Variants in ZNF407 observed in about 807,000 individuals in gnomAD.
ZNF407 encodes the protein zinc finger protein 407.
Under a neutral mutation model 131.2 loss-of-function variants are expected in ZNF407, and 17 were observed. The observed-to-expected ratio is 0.13, with a 90% CI of 0.09 to 0.19. ZNF407 has a LOEUF of 0.19. ZNF407 is among the 10% of genes least tolerant of loss of function. ZNF407 has a pLI of 1.00. For missense variants in ZNF407, 2,681 were observed against 2,830.6 expected (o/e 0.95, Z 1.20); for synonymous variants, 1,156 against 1,062.0 (o/e 1.09, Z -1.72).
chr18:74,729,233 A>G (rs775785620), intron 3 of ZNF407, among the ~76,000 whole-genome samples: 7 of 152,178 alleles, frequency 4.6e-5, no homozygotes, highest in Non-Finnish European at 1.0e-4. Context: ...CAATATACTT[A>G]TTACTGGTTA....
chr18:74,999,362 A>AAAAAAC (rs1397004374), intron 8 of ZNF407, among the ~76,000 whole-genome samples: 18 of 150,032 alleles, frequency 1.2e-4, no homozygotes, highest in African/African-American at 4.4e-4. Context: ...AAAAAAAAAA[A>AAAAAAC]AAAAAAAAAA....
intron 3 of ZNF407, among the ~76,000 whole-genome samples, chr18:74,770,822 T>A (rs1396011034): frequency 2.0e-5 from 3 of 152,140 alleles, no homozygotes; most frequent in African/African-American, 7.2e-5. Flanking sequence ...CATTTTATAA[T>A]ATCTAAAAGG....
At chr18:74,639,237 T>C (rs1984600162) in intron 2 of ZNF407, among the ~76,000 whole-genome samples, 1 of 152,208 alleles carries the variant, frequency 6.6e-6, no homozygotes, top group Non-Finnish European at 1.5e-5. Flanking sequence ...TGGCAGGTGC[T>C]GTGTGAGCAA....
chr18:74,999,362 A>C (rs895235414), intron 8 of ZNF407, among the ~76,000 whole-genome samples: 140 of 150,034 alleles, frequency 9.3e-4, no homozygotes, highest in South Asian at 1.5e-3. Flanking sequence ...AAAAAAAAAA[A>C]AAAAAAAAAA....
intron 4 of ZNF407, among the ~76,000 whole-genome samples, chr18:74,800,233 T>C (rs1255203441): frequency 6.6e-6 from 1 of 152,064 alleles, no homozygotes; most frequent in Admixed American, 6.6e-5. Flanking sequence ...CTGAATTTGG[T>C]CTGCTTTTTG....
At chr18:74,704,529 A>G (rs892588278) in intron 3 of ZNF407, among the ~76,000 whole-genome samples, 1 of 152,168 alleles carries the variant, frequency 6.6e-6, no homozygotes, top group Admixed American at 6.5e-5. Flanking sequence ...TTTCTTTTTA[A>G]TACATCACCT....
At chr18:74,649,700 C>T (rs535292337) in intron 3 of ZNF407, among the ~76,000 whole-genome samples, 1 of 152,258 alleles carries the variant, frequency 6.6e-6, no homozygotes, top group Non-Finnish European at 1.5e-5. Context: ...TTGTGACTCT[C>T]GGGTCAGGGC....
intron 3 of ZNF407, among the ~76,000 whole-genome samples, chr18:74,766,455 A>C (rs1969235364): frequency 6.6e-6 from 1 of 152,084 alleles, no homozygotes. Context: ...TGATGAGATG[A>C]TCTATGTGGC....
At chr18:74,990,592 C>T (rs950589056) in intron 8 of ZNF407, among the ~76,000 whole-genome samples, 4 of 152,168 alleles carry the variant, frequency 2.6e-5, no homozygotes, top group Admixed American at 6.5e-5. Context: ...GATTCATACA[C>T]AATGTAAAAT....
chr18:75,049,740 T>G (rs886187297), intron 8 of ZNF407, among the ~76,000 whole-genome samples: 2 of 152,250 alleles, frequency 1.3e-5, no homozygotes, highest in African/African-American at 4.8e-5. Context: ...ATTCGTAAAC[T>G]GAAGCCATTC....
intron 3 of ZNF407, among the ~76,000 whole-genome samples, chr18:74,705,414 G>C (rs767155829): frequency 1.3e-5 from 2 of 152,140 alleles, no homozygotes; most frequent in Non-Finnish European, 2.9e-5. Context: ...ATGCTGAATT[G>C]TGCAGATGCT....
At chr18:74,694,378 A>T (rs1055448720) in intron 3 of ZNF407, among the ~76,000 whole-genome samples, 6 of 151,406 alleles carry the variant, frequency 4.0e-5, no homozygotes, top group Non-Finnish European at 1.5e-5. Context: ...ACTTTATTTG[A>T]TCTCTTGGAA....
chr18:74,755,417 T>A (rs937412898), intron 3 of ZNF407, among the ~76,000 whole-genome samples: 1 of 152,190 alleles, frequency 6.6e-6, no homozygotes, highest in Non-Finnish European at 1.5e-5. Context: ...TGTTCGTTAG[T>A]TGATGCAGTT....
chr18:74,728,122 G>T (rs1745199674), intron 3 of ZNF407, among the ~76,000 whole-genome samples: 1 of 152,166 alleles, frequency 6.6e-6, no homozygotes, highest in African/African-American at 2.4e-5. Context: ...AGAAAAAACT[G>T]CAGGATTTGG....
intron 3 of ZNF407, among the ~76,000 whole-genome samples, chr18:74,768,885 G>T (rs1300456763): frequency 1.3e-5 from 2 of 151,946 alleles, no homozygotes; most frequent in Non-Finnish European, 2.9e-5. Context: ...TTTTATCCTG[G>T]AAGGATGAAA....
intron 8 of ZNF407, among the ~76,000 whole-genome samples, chr18:75,049,038 G>A (rs1428583085): frequency 7.1e-6 from 1 of 141,270 alleles, no homozygotes; most frequent in Non-Finnish European, 1.5e-5. Flanking sequence ...TGAGTGGTGA[G>A]TGCTCATGGC....
intron 3 of ZNF407, among the ~76,000 whole-genome samples, chr18:74,657,030 G>A (rs1985489137): frequency 6.7e-6 from 1 of 149,192 alleles, no homozygotes; most frequent in South Asian, 2.1e-4. Context: ...TGAGTTTGTA[G>A]GTGTGTTTTT....
intron 4 of ZNF407, among the ~76,000 whole-genome samples, chr18:74,822,607 C>A (rs555857626): frequency 5.7e-4 from 87 of 152,260 alleles, no homozygotes; most frequent in African/African-American, 2.0e-3. Flanking sequence ...GGCCTCTGTT[C>A]TGTTCCATTG....
At chr18:74,663,982 C>CTA (rs1268584710) in intron 3 of ZNF407, among the ~76,000 whole-genome samples, 1 of 152,160 alleles carries the variant, frequency 6.6e-6, no homozygotes, top group African/African-American at 2.4e-5. Context: ...GTGCCACAAA[C>CTA]TATAACTGGA....
Sources: gnomAD v4.1 joint callset for allele counts (sites outside exome capture counted in the v4.1 genomes callset) on GRCh38, gnomAD v4.1.1 for gene constraint, MANE v1.5 for transcripts, NCBI Gene and HGNC (gene_info 2026-07-23, HGNC 2026-07-21) for gene names.